Variants in CDH18 observed in about 807,000 individuals in gnomAD.
The protein encoded by CDH18 is cadherin 18.
Under a neutral mutation model 67.9 loss-of-function variants are expected in CDH18, and 31 were observed. The ratio of observed to expected loss-of-function variants is 0.46; its 90% CI spans 0.34 to 0.62. The LOEUF is 0.62. CDH18 is among the 20% of genes least tolerant of loss of function. The pLI is 0.01. For synonymous variants in CDH18, 362 were observed against 347.2 expected, an observed-to-expected ratio of 1.04 and a Z score of -0.48; for missense variants, 890 against 975.5, an observed-to-expected ratio of 0.91 and a Z score of 1.17.
chr5:20,299,020 T>C (rs1316192277), intron 1 of CDH18, among the ~76,000 whole-genome samples: 2 of 152,140 alleles, frequency 1.3e-5, no homozygotes, highest in African/African-American at 4.8e-5. Context: ...GGCATGACGG[T>C]TGGAAAAACG....
chr5:20,491,905 C>T (rs1037162220), intron 1 of CDH18, among the ~76,000 whole-genome samples: 1 of 152,076 alleles, frequency 6.6e-6, no homozygotes, highest in African/African-American at 2.4e-5. Context: ...TTTTCTTAAA[C>T]ATTGGAATTC....
intron 8 of CDH18, among the ~76,000 whole-genome samples, chr5:19,561,150 A>C (rs776384188): frequency 7.9e-5 from 12 of 152,058 alleles, no homozygotes; most frequent in Non-Finnish European, 1.3e-4. Context: ...CAGCAATCCC[A>C]CTCCTGGGTA....
At chr5:19,740,635 C>T (rs1039459241) in intron 4 of CDH18, among the ~76,000 whole-genome samples, 3 of 152,094 alleles carry the variant, frequency 2.0e-5, no homozygotes, top group African/African-American at 7.2e-5. Context: ...TTATGATGTG[C>T]TTTTCATGTG....
At chr5:20,156,579 G>C (rs988203953) in intron 2 of CDH18, among the ~76,000 whole-genome samples, 1 of 152,102 alleles carries the variant, frequency 6.6e-6, no homozygotes, top group African/African-American at 2.4e-5. Context: ...TCCAGAAGGT[G>C]GGGCAGGGGG....
chr5:20,330,048 C>A (rs766567648), intron 1 of CDH18, among the ~76,000 whole-genome samples: 2 of 151,814 alleles, frequency 1.3e-5, no homozygotes, highest in Admixed American at 1.3e-4. Flanking sequence ...ACCCCCAAAT[C>A]AAAAGAAATT....
intron 2 of CDH18, among the ~76,000 whole-genome samples, chr5:19,860,770 A>G (rs1409491377): frequency 6.6e-6 from 1 of 152,080 alleles, no homozygotes; most frequent in Non-Finnish European, 1.5e-5. Context: ...TTCTTGCGGA[A>G]AGAGATACTG....
chr5:19,479,866 T>TATTA lies in CDH18; in HGVS notation c.1882+3431_1882+3434dup, dbSNP rs1370419553. On this transcript the variant is annotated intron_variant, in intron 12 of 12. Coordinates refer to ENST00000382275, the MANE Select transcript of CDH18 (RefSeq NM_004934.5). ...AAGTAAACATATCATATAGTAACTT[T>TATTA]ATTAGTCTTGAGGGATATAATAAAA... Among the ~76,000 whole-genome samples, 7 of 152,286 alleles carry TATTA rather than the reference T, an allele frequency of 4.6e-5. No individual in the cohort carries two copies. In the East Asian group the frequency reaches 1.4e-3, roughly 29 times the overall value.
At chr5:20,032,318 C>T (rs1277740446) in intron 2 of CDH18, among the ~76,000 whole-genome samples, 4 of 151,186 alleles carry the variant, frequency 2.6e-5, no homozygotes, top group African/African-American at 7.3e-5. Flanking sequence ...AGTTTCTGTT[C>T]GAGATCTGAC....
chr5:20,108,571 T>A (rs1001603224), intron 2 of CDH18, among the ~76,000 whole-genome samples: 11 of 152,008 alleles, frequency 7.2e-5, no homozygotes, highest in Admixed American at 7.2e-4. Flanking sequence ...ACCACACTCA[T>A]CCCTCCACCC....
intron 2 of CDH18, among the ~76,000 whole-genome samples, chr5:20,030,734 T>C (rs888055442): frequency 6.6e-6 from 1 of 152,192 alleles, no homozygotes; most frequent in African/African-American, 2.4e-5. Context: ...ATGAAGGTTG[T>C]ATAATATTAG....
At chr5:20,512,258 T>A (rs11750051) in intron 1 of CDH18, among the ~76,000 whole-genome samples, 1 of 151,900 alleles carries the variant, frequency 6.6e-6, no homozygotes, top group East Asian at 1.9e-4. Flanking sequence ...CTATTTTGTG[T>A]ATCTATTTTT....
intron 2 of CDH18, among the ~76,000 whole-genome samples, chr5:20,183,895 T>C (rs1378483193): frequency 6.6e-6 from 1 of 152,148 alleles, no homozygotes; most frequent in African/African-American, 2.4e-5. Context: ...ATATTGATTT[T>C]ATCTAATGAA....
intron 2 of CDH18, among the ~76,000 whole-genome samples, chr5:20,172,238 ATG>A (rs1554098804): frequency 3.4e-5 from 4 of 118,956 alleles, no homozygotes; most frequent in Non-Finnish European, 5.0e-5. Flanking sequence ...ATATATATAT[ATG>A]TATATATATA....
intron 2 of CDH18, among the ~76,000 whole-genome samples, chr5:20,204,933 A>C (rs1739761733): frequency 6.6e-6 from 1 of 152,004 alleles, no homozygotes; most frequent in Non-Finnish European, 1.5e-5. Flanking sequence ...AAAAAGCAAT[A>C]AGTTAAAAAA....
At chr5:20,246,055 T>C (rs1176801808) in intron 2 of CDH18, among the ~76,000 whole-genome samples, 1 of 152,152 alleles carries the variant, frequency 6.6e-6, no homozygotes, top group African/African-American at 2.4e-5. Flanking sequence ...AGCAGTAGCA[T>C]ATAAAATTAT....
At chr5:20,340,357 G>A (rs1210854370) in intron 1 of CDH18, among the ~76,000 whole-genome samples, 1 of 152,140 alleles carries the variant, frequency 6.6e-6, no homozygotes, top group Non-Finnish European at 1.5e-5. Flanking sequence ...CGAGGAGGAG[G>A]CTCAGGAGAA....
intron 2 of CDH18, among the ~76,000 whole-genome samples, chr5:20,080,222 C>A (rs977102959): frequency 6.6e-6 from 1 of 152,026 alleles, no homozygotes; most frequent in African/African-American, 2.4e-5. Context: ...ATTACTTGGC[C>A]TTTAGTCCAC....
intron 6 of CDH18, among the ~76,000 whole-genome samples, chr5:19,592,019 G>A (rs1237752082): frequency 6.6e-6 from 1 of 152,032 alleles, no homozygotes; most frequent in Non-Finnish European, 1.5e-5. Flanking sequence ...TGTTCTCTAA[G>A]TGTTAAAACC....
chr5:19,728,060 C>T (rs952228877), intron 4 of CDH18, among the ~76,000 whole-genome samples: 5 of 152,222 alleles, frequency 3.3e-5, no homozygotes, highest in African/African-American at 9.6e-5. Context: ...TTACCCTCTA[C>T]GTGCTAGACT....
Sources: gnomAD v4.1 joint callset for allele counts (sites outside exome capture counted in the v4.1 genomes callset) on GRCh38, gnomAD v4.1.1 for gene constraint, MANE v1.5 for transcripts, NCBI Gene and HGNC (gene_info 2026-07-23, HGNC 2026-07-21) for gene names.